Variants in COPRS observed in about 807,000 individuals in gnomAD.
The protein encoded by COPRS is cooperator of PRMT5.
COPRS carries 11 observed loss-of-function variants against 19.9 expected under a neutral mutation model. That is an observed-to-expected ratio of 0.55 (90% CI 0.35 to 0.92). The LOEUF (loss-of-function observed/expected upper bound fraction) is 0.92, where lower values mean the gene tolerates loss of function less well. Among genes scored for constraint, COPRS ranks in the 40% least tolerant of loss-of-function variants. The pLI, the probability that COPRS is intolerant of heterozygous loss-of-function variation, is 0.01. For synonymous variants in COPRS, 81 were observed against 82.7 expected, an observed-to-expected ratio of 0.98 and a Z score of 0.11; for missense variants, 225 against 229.9, an observed-to-expected ratio of 0.98 and a Z score of 0.14.
rs1454627947 is a variant in COPRS, at chr17:31,852,445, T to C, written c.386-137A>G. The C allele has an allele frequency of 1.4e-5, 9 of 659,514 alleles. No individual in the cohort carries two copies. In the East Asian group the frequency reaches 2.2e-4, roughly 16 times the overall value. The allele number at this position is 659,514 out of a possible 1,614,324, so 40.9% of individuals were successfully genotyped here. A position where few individuals can be genotyped will look rare whatever the true frequency, so the allele number is the denominator to read the frequency against. ...TTTAAAAACACACACAGTTCTCCTT[T>C]CCTGAAGAATTGTAAATGCGTTCAT... On this transcript the variant is annotated intron_variant, in intron 3 of 3. Coordinates refer to ENST00000302362, the MANE Select transcript of COPRS (RefSeq NM_018405.4).
intron 1 of COPRS, among the ~76,000 whole-genome samples, chr17:31,857,139 A>G (rs931961165): frequency 7.2e-5 from 11 of 152,112 alleles, no homozygotes; most frequent in African/African-American, 2.4e-4. Flanking sequence ...TCCAGTATAC[A>G]GTTCTGCGAA....
At chr17:31,852,346 G>C (rs369511828) in intron 3 of COPRS, 38 bp from the exon 4 acceptor site, 17 of 1,542,544 alleles carry the variant, frequency 1.1e-5, no homozygotes, top group Non-Finnish European at 1.5e-5. Context: ...AGGGAAGGAA[G>C]GAGGGAAGGA....
At chr17:31,855,743 C>T (rs553065860) in intron 2 of COPRS, among the ~76,000 whole-genome samples, 13 of 151,844 alleles carry the variant, frequency 8.6e-5, no homozygotes, top group African/African-American at 3.1e-4. Context: ...CACCTGTAAT[C>T]CCAGCACTCT....
At chr17:31,852,473 G>A (rs1033652578) in intron 3 of COPRS, among the ~76,000 whole-genome samples, 165 bp from the exon 4 acceptor site, 32 of 152,038 alleles carry the variant, frequency 2.1e-4, no homozygotes, top group Admixed American at 5.9e-4. Context: ...GCGTTCATTC[G>A]GAACAGCTGA....
chr17:31,858,337 T>C, intron 1 of COPRS: 1 of 983,812 alleles, frequency 1.0e-6, no homozygotes, highest in Non-Finnish European at 1.2e-6. Flanking sequence ...AAAGTAATTT[T>C]CTTTGTAAGT....
chr17:31,854,909 G>A (rs1018412775), intron 2 of COPRS, among the ~76,000 whole-genome samples: 6 of 152,188 alleles, frequency 3.9e-5, no homozygotes, highest in Non-Finnish European at 8.8e-5. Context: ...GGTGATGGTT[G>A]CACAACACTG....
intron 3 of COPRS, 46 bp downstream of exon 3, chr17:31,852,766 T>A (rs1015653704): frequency 7.3e-7 from 1 of 1,374,036 alleles, no homozygotes; most frequent in Non-Finnish European, 1.0e-6. Flanking sequence ...CTGACAGGTG[T>A]GTCTGAGAAG....
rs1314188768 is a variant in COPRS at position 31,859,123 on chromosome 17, C to T, written c.77G>A (p.Arg26Gln). 1 of 1,088,190 alleles carries T rather than the reference C, an allele frequency of 9.2e-7. No homozygotes were observed. The highest frequency in any genetic ancestry group is 1.1e-6 in the Non-Finnish European group (1 of 899,486). 67.4% of individuals were successfully genotyped at this position (1,088,190 alleles called of 1,614,324 possible). A position where few individuals can be genotyped will look rare whatever the true frequency, so the allele number is the denominator to read the frequency against. The change falls in exon 1 of 4, where the codon CGG becomes CAG. Residue 26 changes from arginine to glutamine, a missense_variant. Around this residue, in one of 3 missense-constraint regions of COPRS, gnomAD observed 51 missense variants for 39.2 expected, o/e 1.30. Transcript: ENST00000302362. ...PSRGPPLPSA[R>Q]GAPPSPEAGF... ...CACCTCCGGGCTGGGGGGCGCCCCC[C>T]GCGCGCTAGGCAGCGGCGGGCCCCG...
chr17:31,852,436 G>T, intron 3 of COPRS, 128 bp from the exon 4 acceptor site: 2 of 680,864 alleles, frequency 2.9e-6, no homozygotes, highest in Non-Finnish European at 2.5e-6. Flanking sequence ...AACACACACA[G>T]TTCTCCTTTC....
Position 31,859,138 on chromosome 17 carries a change from G to T in COPRS, c.62C>A (p.Pro21Gln). Residue 21 changes from proline (P) to glutamine (Q), a missense_variant, in exon 1 of 4, where the codon CCG (proline) becomes CAG (glutamine). Physicochemically the swap from Pro to Gln is moderately conservative, Grantham distance 76. This residue lies in a region of COPRS where 51 missense variants were observed against 39.2 expected (regional missense o/e 1.30). Coordinates refer to ENST00000302362, the MANE Select transcript of COPRS (RefSeq NM_018405.4). ...GGGCGCCCCCCGCGCGCTAGGCAGC[G>T]GCGGGCCCCGAGACGGCTCCGCGGC... is the stretch of plus-strand genomic sequence containing the variant. ...QGAAEPSRGP[P>Q]LPSARGAPPS... The T allele has an allele frequency of 9.3e-7, 1 of 1,080,366 alleles. No homozygotes were observed. Among genetic ancestry groups the T allele is most frequent in the Non-Finnish European group, 1.1e-6 (1 of 894,308 alleles). The allele number at this position is 1,080,366 out of a possible 1,614,324, so 66.9% of individuals were successfully genotyped here. A position where few individuals can be genotyped will look rare whatever the true frequency, so the allele number is the denominator to read the frequency against.
In COPRS at chr17:31,859,194, G is replaced by T. The variant is rs934255123; in HGVS notation, c.6C>A (p.Asp2Glu). 1,187 of 1,053,848 alleles carry T rather than the reference G, an allele frequency of 1.1e-3. 1 individual carries two copies. The highest frequency in any genetic ancestry group is 1.2e-3 in the Non-Finnish European group (1,087 of 873,918). 65.3% of individuals were successfully genotyped at this position (1,053,848 alleles called of 1,614,324 possible). ...GCGCCTGGGCCCCGGCGGCCTGAAG[G>T]TCCATGCCCTGCGGCCCGCGGCTGG... M[D>E]LQAAGAQAQG... Residue 2 changes from aspartate (D) to glutamate (E), a missense_variant, in exon 1 of 4, where the codon GAC becomes GAA. Coordinates refer to ENST00000302362, the MANE Select transcript of COPRS (RefSeq NM_018405.4).
chr17:31,856,988 T>C (rs1053467249), intron 1 of COPRS, 123 bp from the exon 2 acceptor site: 1 of 698,344 alleles, frequency 1.4e-6, no homozygotes, highest in Non-Finnish European at 2.5e-6. Context: ...GCTGGGACTC[T>C]GCCACCCACA....
Position 31,859,158 on chromosome 17 carries a change from C to T in COPRS, c.42G>A (p.Ala14=), listed in dbSNP as rs1301437432. ...QAAGAQAQGA[A]EPSRGPPLPS... ...GCAGCGGCGGGCCCCGAGACGGCTCCGCGGCCCCCTGCGCCTGGGCCCCGG... is the reference window on the plus strand; with the variant it reads ...GCAGCGGCGGGCCCCGAGACGGCTCTGCGGCCCCCTGCGCCTGGGCCCCGG... Residue 14 remains alanine, a synonymous_variant, in exon 1 of 4, where the codon GCG becomes GCA. Coordinates refer to ENST00000302362, the MANE Select transcript of COPRS (RefSeq NM_018405.4). The T allele has an allele frequency of 5.6e-6, 6 of 1,072,698 alleles. No homozygotes were observed. Among genetic ancestry groups the T allele is most frequent in the Non-Finnish European group, 5.6e-6 (5 of 888,062 alleles). 66.4% of individuals were successfully genotyped at this position (1,072,698 alleles called of 1,614,324 possible).
Position 31,853,112 on chromosome 17 carries a change from C to T in COPRS, c.167-82G>A, listed in dbSNP as rs1598084343. ...GCTCAGTAAATTTTGGGCAGACTTA[C>T]TACGAAGGTAGTAAAACAAGTGCAC... On this transcript the variant is annotated intron_variant, in intron 2 of 3. Transcript: ENST00000302362. The T allele has an allele frequency of 6.1e-6, 6 of 986,222 alleles. No individual in the cohort carries two copies. In the East Asian group the frequency reaches 1.4e-4, roughly 23 times the overall value. The allele number at this position is 986,222 out of a possible 1,614,324, so 61.1% of individuals were successfully genotyped here.
chr17:31,859,153 G>T lies in COPRS; in HGVS notation c.47C>A (p.Pro16Gln). ...AGAQAQGAAEPSRGPPLPSAR... is the reference protein window; with the variant it reads ...AGAQAQGAAEQSRGPPLPSAR... ...GCTAGGCAGCGGCGGGCCCCGAGAC[G>T]GCTCCGCGGCCCCCTGCGCCTGGGC... is the stretch of plus-strand genomic sequence containing the variant. The change falls in exon 1 of 4, where the codon CCG becomes CAG. Residue 16 changes from proline to glutamine, a missense_variant. This residue lies in a region of COPRS where 51 missense variants were observed against 39.2 expected (regional missense o/e 1.30). Transcript: ENST00000302362. 1 of 1,073,668 alleles carries T rather than the reference G, an allele frequency of 9.3e-7. No homozygotes were observed. Among genetic ancestry groups the T allele is most frequent in the Non-Finnish European group, 1.1e-6 (1 of 888,962 alleles). The allele number at this position is 1,073,668 out of a possible 1,614,324, so 66.5% of individuals were successfully genotyped here. A position where few individuals can be genotyped will look rare whatever the true frequency, so the allele number is the denominator to read the frequency against.
At chr17:31,852,525 G>A (rs1435270973) in intron 3 of COPRS, among the ~76,000 whole-genome samples, 1 of 152,200 alleles carries the variant, frequency 6.6e-6, no homozygotes, top group Non-Finnish European at 1.5e-5. Context: ...CAGTGAAGAA[G>A]CAAACTGGAT....
At chr17:31,858,577 G>A (rs1359164052) in intron 1 of COPRS, among the ~76,000 whole-genome samples, 2 of 152,194 alleles carry the variant, frequency 1.3e-5, no homozygotes, top group African/African-American at 2.4e-5. Context: ...ACCAGGAGCT[G>A]TCTAGCTTAC....
At chr17:31,853,411 C>T (rs564553713) in intron 2 of COPRS, among the ~76,000 whole-genome samples, 12 of 149,492 alleles carry the variant, frequency 8.0e-5, no homozygotes, top group South Asian at 4.2e-4. Flanking sequence ...GACAGAGTCT[C>T]GCTCTGTCGC....
Position 31,855,623 on chromosome 17 carries a change from T to C in COPRS, c.166+1176A>G, listed in dbSNP as rs56104383. On this transcript the variant is annotated intron_variant, in intron 2 of 3. Coordinates refer to ENST00000302362, the MANE Select transcript of COPRS (RefSeq NM_018405.4). ...ATCACTTGAACCCGGGAGACAGAGG[T>C]TGCAGTGAGCCAAGATTGCGACACT... is the stretch of plus-strand genomic sequence containing the variant. Among the ~76,000 whole-genome samples the C allele has an allele frequency of 8.5e-3, 1,284 of 151,080 alleles. 11 individuals carry two copies. Among genetic ancestry groups the C allele is most frequent in the African/African-American group, 0.029 (1,204 of 41,140 alleles).
Sources: gnomAD v4.1 joint callset for allele counts (sites outside exome capture counted in the v4.1 genomes callset) on GRCh38, gnomAD v4.1.1 for gene constraint, gnomAD v4.1.1 regional missense constraint, MANE v1.5 for transcripts, NCBI Gene and HGNC (gene_info 2026-07-23, HGNC 2026-07-21) for gene names.